The following PARD3 variants were observed in gnomAD, a reference collection of about 807,000 sequenced individuals.
The protein encoded by PARD3 is partitioning defective 3 homolog.
In PARD3, 75 loss-of-function variants were observed where a neutral mutation model predicts 155.4. That is an observed-to-expected ratio of 0.48 (90% CI 0.40 to 0.58). PARD3 has a LOEUF of 0.58. PARD3 is among the 20% of genes least tolerant of loss of function. PARD3 has a pLI of 0.00. For synonymous variants in PARD3, 576 were observed against 610.5 expected, an observed-to-expected ratio of 0.94 and a Z score of 0.83; for missense variants, 1,642 against 1,721.7, an observed-to-expected ratio of 0.95 and a Z score of 0.82.
At chr10:34,591,498 T>C (rs937650083) in intron 2 of PARD3, among the ~76,000 whole-genome samples, 1 of 152,140 alleles carries the variant, frequency 6.6e-6, no homozygotes, top group Non-Finnish European at 1.5e-5. Context: ...CTTACTCACA[T>C]GAGCTCACAT....
At chr10:34,307,927 A>T (rs1957495429) in intron 20 of PARD3, among the ~76,000 whole-genome samples, 1 of 152,152 alleles carries the variant, frequency 6.6e-6, no homozygotes, top group African/African-American at 2.4e-5. Flanking sequence ...TGATGCCAAA[A>T]AGTGGGTTAG....
At chr10:34,187,074 C>CCAGCTGTG (rs1184854255) in intron 22 of PARD3, among the ~76,000 whole-genome samples, 1 of 152,194 alleles carries the variant, frequency 6.6e-6, no homozygotes, top group Non-Finnish European at 1.5e-5. Context: ...CAGCTGTGAA[C>CCAGCTGTG]AATGAGTGGT....
At chr10:34,706,104 A>C (rs986879969) in intron 1 of PARD3, among the ~76,000 whole-genome samples, 22 of 152,214 alleles carry the variant, frequency 1.4e-4, no homozygotes, top group African/African-American at 5.1e-4. Flanking sequence ...CACAGGACAC[A>C]GCCAAGGCAA....
At chr10:34,285,090 T>C (rs145676663) in intron 20 of PARD3, among the ~76,000 whole-genome samples, 2 of 152,220 alleles carry the variant, frequency 1.3e-5, no homozygotes, top group Admixed American at 6.5e-5. Context: ...TTGCCTGGAA[T>C]GCATGCACTC....
intron 2 of PARD3, among the ~76,000 whole-genome samples, chr10:34,681,762 ATATATATTTTTTTTTTTTTTT>A (rs2093841532): frequency 1.8e-4 from 4 of 22,392 alleles, no homozygotes; most frequent in African/African-American, 1.0e-3. Flanking sequence ...ATATATATAT[ATATATATTTTTTTTTTTTTTT>A]TTTTTTTTTT....
intron 1 of PARD3, among the ~76,000 whole-genome samples, chr10:34,779,632 A>G (rs1481309182): frequency 6.6e-6 from 1 of 152,200 alleles, no homozygotes; most frequent in African/African-American, 2.4e-5. Context: ...AAAATAAAAT[A>G]AAATAAAGCA....
intron 1 of PARD3, among the ~76,000 whole-genome samples, chr10:34,715,346 G>A (rs999100014): frequency 6.6e-6 from 1 of 152,128 alleles, no homozygotes; most frequent in African/African-American, 2.4e-5. Context: ...CCAAAGTGCT[G>A]AGGACTGCAC....
intron 24 of PARD3, among the ~76,000 whole-genome samples, chr10:34,112,366 G>A (rs1946429380): frequency 6.6e-6 from 1 of 152,160 alleles, no homozygotes; most frequent in Non-Finnish European, 1.5e-5. Context: ...ACAGAGTTGG[G>A]CATGATTTCC....
chr10:34,251,373 T>C (rs780928331), intron 22 of PARD3, among the ~76,000 whole-genome samples: 56 of 152,276 alleles, frequency 3.7e-4, no homozygotes, highest in Non-Finnish European at 5.0e-4. Flanking sequence ...ATACGAACAA[T>C]AGCAACTAAC....
intron 2 of PARD3, among the ~76,000 whole-genome samples, chr10:34,640,613 A>C (rs903688186): frequency 2.7e-5 from 4 of 148,084 alleles, no homozygotes; most frequent in Non-Finnish European, 5.9e-5. Context: ...AGGGGGCTGA[A>C]GCACGAGTTT....
intron 22 of PARD3, among the ~76,000 whole-genome samples, chr10:34,147,988 T>G (rs1206404147): frequency 6.6e-6 from 1 of 152,182 alleles, no homozygotes; most frequent in African/African-American, 2.4e-5. Flanking sequence ...ATTGGAACAC[T>G]GCCTTGCCTG....
chr10:34,499,562 A>AT (rs1483232180), intron 3 of PARD3, among the ~76,000 whole-genome samples: 2 of 152,102 alleles, frequency 1.3e-5, no homozygotes, highest in African/African-American at 2.4e-5. Context: ...AAAAAAAAAA[A>AT]TCCCATTAAA....
At chr10:34,387,427 T>C (rs983656622) in intron 7 of PARD3, among the ~76,000 whole-genome samples, 9 of 152,208 alleles carry the variant, frequency 5.9e-5, no homozygotes, top group Non-Finnish European at 1.2e-4. Flanking sequence ...CTTTAATTTT[T>C]TTTGAGACAG....
chr10:34,383,983 G>A (rs1842105873), intron 8 of PARD3, 146 bp downstream of exon 8: 9 of 680,394 alleles, frequency 1.3e-5, no homozygotes, highest in East Asian at 2.7e-5. Context: ...TACTGAGTAT[G>A]TTTAAATTTT....
intron 5 of PARD3, among the ~76,000 whole-genome samples, chr10:34,428,013 G>A (rs773848260): frequency 6.6e-6 from 1 of 152,030 alleles, no homozygotes; most frequent in African/African-American, 2.4e-5. Context: ...AGAGAAGGCC[G>A]GTAGACCAAG....
At chr10:34,401,463 A>C (rs549727164) in intron 6 of PARD3, among the ~76,000 whole-genome samples, 1 of 152,332 alleles carries the variant, frequency 6.6e-6, no homozygotes, top group South Asian at 2.1e-4. Context: ...TAATTTAGCA[A>C]AGTGAAGAAC....
intron 5 of PARD3, among the ~76,000 whole-genome samples, chr10:34,416,071 T>C (rs980372820): frequency 2.6e-5 from 4 of 152,158 alleles, no homozygotes; most frequent in African/African-American, 7.2e-5. Flanking sequence ...ATCTCCTGTC[T>C]GTGCTATCAA....
rs374538785 is a variant in PARD3, at chr10:34,331,261, C to A, written c.2689G>T (p.Val897Leu). The A allele has an allele frequency of 3.1e-6, 5 of 1,614,002 alleles. No individual in the cohort carries two copies. Among genetic ancestry groups the A allele is most frequent in the African/African-American group, 1.3e-5 (1 of 74,980 alleles). ...LESLQTAVAE[V>L]TLNGDIPFHR... ...AAAGGAATATCCCCATTCAAAGTCACCTCGGCAACTGCGGTCTGCAGACTC... is the reference window on the plus strand; with the variant it reads ...AAAGGAATATCCCCATTCAAAGTCAACTCGGCAACTGCGGTCTGCAGACTC... Residue 897 changes from valine to leucine, a missense_variant, in exon 19 of 25, where the codon GTG becomes TTG. Val to Leu is a conservative substitution (Grantham distance 32). This residue lies in a region of PARD3 where 1,529 missense variants were observed against 1,587.3 expected (regional missense o/e 0.96). Coordinates refer to ENST00000374788, the MANE Select transcript of PARD3 (RefSeq NM_001184785.2).
intron 22 of PARD3, among the ~76,000 whole-genome samples, chr10:34,149,511 G>A (rs946441568): frequency 6.6e-6 from 1 of 151,990 alleles, no homozygotes; most frequent in East Asian, 1.9e-4. Flanking sequence ...CTGTGTCTTT[G>A]CAAGCTATAT....
Sources: allele counts gnomAD v4.1 joint callset (sites outside exome capture counted in the v4.1 genomes callset), GRCh38; gene constraint gnomAD v4.1.1; regional missense constraint gnomAD v4.1.1; transcripts MANE v1.5; gene names NCBI Gene and HGNC (gene_info 2026-07-23, HGNC 2026-07-21).